Variants in IL23R observed in about 807,000 individuals in gnomAD.
The protein encoded by IL23R is interleukin 23 receptor, also known as interleukin-23 receptor.
Under a neutral mutation model 56.9 loss-of-function variants are expected in IL23R, and 34 were observed. The observed-to-expected ratio is 0.60, with a 90% CI of 0.45 to 0.80. The LOEUF (loss-of-function observed/expected upper bound fraction) is 0.80, where lower values mean the gene tolerates loss of function less well. Among genes scored for constraint, IL23R ranks in the 30% least tolerant of loss-of-function variants. The pLI, the probability that IL23R is intolerant of heterozygous loss-of-function variation, is 0.00. For missense variants in IL23R, 635 were observed against 730.0 expected (o/e 0.87, Z 1.50); for synonymous variants, 230 against 249.2 (o/e 0.92, Z 0.73).
intron 7 of IL23R, among the ~76,000 whole-genome samples, chr1:67,235,816 A>G (rs1205156493): frequency 6.6e-6 from 1 of 152,220 alleles, no homozygotes; most frequent in African/African-American, 2.4e-5. Context: ...GTGATATCTC[A>G]GCCTCAAGTT....
intron 3 of IL23R, among the ~76,000 whole-genome samples, chr1:67,173,819 A>ATAATTTGGAATATG (rs1646975564): frequency 6.6e-6 from 1 of 152,130 alleles, no homozygotes; most frequent in South Asian, 2.1e-4. Flanking sequence ...AGTAACCATA[A>ATAATTTGGAATATG]TCCCTCTTTA....
chr1:67,210,229 A>G (rs188290277), intron 6 of IL23R, among the ~76,000 whole-genome samples: 33 of 152,346 alleles, frequency 2.2e-4, no homozygotes, highest in African/African-American at 7.5e-4. Context: ...TAAGAAAGGC[A>G]TAGCTGCAAG....
chr1:67,160,687 C>A (rs1646810770), intron 1 of IL23R, among the ~76,000 whole-genome samples: 1 of 151,916 alleles, frequency 6.6e-6, no homozygotes, highest in Admixed American at 6.6e-5. Flanking sequence ...TTTTTTGTTC[C>A]CCTTTTTTTT....
downstream of IL23R, among the ~76,000 whole-genome samples, chr1:67,261,788 GAAAAA>G (rs1558271741): frequency 6.6e-6 from 1 of 152,176 alleles, no homozygotes; most frequent in Admixed American, 6.5e-5. Flanking sequence ...TATCACACAT[GAAAAA>G]AGCTTTTATC....
intron 7 of IL23R, among the ~76,000 whole-genome samples, chr1:67,225,863 T>C (rs930154750): frequency 1.6e-4 from 25 of 152,212 alleles, no homozygotes; most frequent in African/African-American, 5.8e-4. Context: ...TGCCAAGCGA[T>C]ACTTCTGCAG....
At chr1:67,155,256 T>G (rs548473619) in intron 1 of IL23R, among the ~76,000 whole-genome samples, 7 of 152,256 alleles carry the variant, frequency 4.6e-5, no homozygotes, top group East Asian at 3.9e-4. Context: ...GAGAATCTGA[T>G]GATTATGTGT....
chr1:67,256,987 C>T (rs565678727), intron 10 of IL23R, among the ~76,000 whole-genome samples: 3 of 152,304 alleles, frequency 2.0e-5, no homozygotes, highest in Admixed American at 2.0e-4. Context: ...TTTACTCCAG[C>T]CACTCCTCAC....
chr1:67,149,431 C>T (rs942596226), intron 1 of IL23R, among the ~76,000 whole-genome samples: 1 of 152,054 alleles, frequency 6.6e-6, no homozygotes, highest in Non-Finnish European at 1.5e-5. Context: ...GACCTGTCTC[C>T]GCTTCTCCTT....
At chr1:67,262,623 C>G (rs1653228753), downstream of IL23R, among the ~76,000 whole-genome samples, 1 of 152,162 alleles carries the variant, frequency 6.6e-6, no homozygotes, top group Non-Finnish European at 1.5e-5. Context: ...CTCCCCACCT[C>G]CCATCTTAAC....
Position 67,207,050 on chromosome 1 carries a change from T to C in IL23R, c.793T>C (p.Trp265Arg). 6.2e-7 allele frequency: 1 copy of C among 1,614,086 alleles called. No homozygotes were observed. The highest frequency in any genetic ancestry group is 8.5e-7 in the Non-Finnish European group (1 of 1,179,986). ...MRYKATTNQT[W>R]NVKEFDTNFT... ...ATACAAGGCTACAACAAACCAAACT[T>C]GGAATGTAAGCTCAACTTTCATTAT... Residue 265 changes from tryptophan to arginine, a missense_variant, in exon 6 of 11, where the codon TGG becomes CGG. By Grantham distance (101) the Trp-to-Arg change is moderately radical. Transcript: ENST00000347310.
chr1:67,241,919 A>C (rs1032611433), intron 9 of IL23R, among the ~76,000 whole-genome samples: 1 of 152,210 alleles, frequency 6.6e-6, no homozygotes, highest in Non-Finnish European at 1.5e-5. Context: ...CAACTGAATC[A>C]CTATAATACC....
chr1:67,187,505 T>C (rs1647424482), intron 4 of IL23R, among the ~76,000 whole-genome samples: 1 of 152,240 alleles, frequency 6.6e-6, no homozygotes, highest in African/African-American at 2.4e-5. Flanking sequence ...TTTAATGTGT[T>C]CAAAATTATG....
chr1:67,246,248 T>C (rs1033205468), intron 9 of IL23R, among the ~76,000 whole-genome samples: 8 of 152,170 alleles, frequency 5.3e-5, no homozygotes, highest in Admixed American at 3.9e-4. Flanking sequence ...TTGTTGATCT[T>C]TTCAAAAAAC....
chr1:67,231,939 G>A (rs1175437770), intron 7 of IL23R: 1 of 152,186 alleles, frequency 6.6e-6, no homozygotes, highest in African/African-American at 2.4e-5. Context: ...AGGATAGCTT[G>A]AGCCCAGGGG....
intron 6 of IL23R, among the ~76,000 whole-genome samples, chr1:67,208,534 G>A (rs1399665098): frequency 1.3e-5 from 2 of 152,264 alleles, no homozygotes; most frequent in Non-Finnish European, 2.9e-5. Flanking sequence ...CCAACATCCA[G>A]CTTGGGCTGT....
chr1:67,211,500 G>A (rs1204058345), intron 6 of IL23R, among the ~76,000 whole-genome samples: 2 of 152,212 alleles, frequency 1.3e-5, no homozygotes, highest in African/African-American at 4.8e-5. Context: ...GTGTGTGCCT[G>A]TAATCCCAGC....
intron 9 of IL23R, among the ~76,000 whole-genome samples, chr1:67,254,925 T>C (rs1652856621): frequency 6.6e-6 from 1 of 152,162 alleles, no homozygotes; most frequent in African/African-American, 2.4e-5. Context: ...CACTGATCCT[T>C]AAAATAAGCA....
Position 67,201,864 on chromosome 1 carries a change from GTTTTA to G in IL23R, c.652+972_652+976del, listed in dbSNP as rs534863060. ...AACATTTCTATTAATTTAATCTATA[GTTTTA>G]TTTTTAATGTTGTCTGAATATATAG... On this transcript the variant is annotated intron_variant, in intron 5 of 10. Coordinates refer to ENST00000347310, the MANE Select transcript of IL23R (RefSeq NM_144701.3). Among the ~76,000 whole-genome samples the G allele has an allele frequency of 1.2e-3, 179 of 152,024 alleles. 1 individual carries two copies. The highest frequency in any genetic ancestry group is 3.8e-3 in the African/African-American group (158 of 41,476).
chr1:67,141,653 G>A (rs1397307292), intron 1 of IL23R, among the ~76,000 whole-genome samples: 1 of 152,118 alleles, frequency 6.6e-6, no homozygotes, highest in Admixed American at 6.5e-5. Flanking sequence ...AGCTATTCAG[G>A]AGGCTGAGGT....
Sources: allele counts gnomAD v4.1 joint callset (sites outside exome capture counted in the v4.1 genomes callset), GRCh38; gene constraint gnomAD v4.1.1; transcripts MANE v1.5; gene names NCBI Gene and HGNC (gene_info 2026-07-23, HGNC 2026-07-21).